Variants in CNNM2 observed in about 807,000 individuals in gnomAD.
CNNM2 encodes metal transporter CNNM2.
Under a neutral mutation model 66.9 loss-of-function variants are expected in CNNM2, and 12 were observed. The ratio of observed to expected loss-of-function variants is 0.18; its 90% CI spans 0.11 to 0.29. CNNM2 has a LOEUF of 0.29. Among genes scored for constraint, CNNM2 ranks in the 10% least tolerant of loss-of-function variants. The pLI is 1.00. For missense variants in CNNM2, 705 were observed against 1,167.7 expected, an observed-to-expected ratio of 0.60 and a Z score of 5.77; for synonymous variants, 557 against 501.8, an observed-to-expected ratio of 1.11 and a Z score of -1.47.
At chr10:102,999,964 G>C (rs182211486) in intron 1 of CNNM2, among the ~76,000 whole-genome samples, 1 of 152,178 alleles carries the variant, frequency 6.6e-6, no homozygotes, top group Non-Finnish European at 1.5e-5. Context: ...AGCTGGGCAT[G>C]GTGGCTCATG....
chr10:102,922,682 C>T (rs954621686), intron 1 of CNNM2, among the ~76,000 whole-genome samples: 1 of 152,046 alleles, frequency 6.6e-6, no homozygotes. Flanking sequence ...GGCTCATGCC[C>T]GTAATCCCAG....
intron 1 of CNNM2, among the ~76,000 whole-genome samples, chr10:102,933,822 A>T (rs922556126): frequency 1.3e-5 from 2 of 152,092 alleles, no homozygotes; most frequent in African/African-American, 4.8e-5. Context: ...GATATACACC[A>T]TCAGGCACTT....
chr10:103,025,686 C>A (rs2064688590), intron 1 of CNNM2, among the ~76,000 whole-genome samples: 1 of 152,188 alleles, frequency 6.6e-6, no homozygotes, highest in South Asian at 2.1e-4. Context: ...TTATCCAAAT[C>A]TTCTCTAAAT....
chr10:102,947,825 G>A (rs530820069), intron 1 of CNNM2, among the ~76,000 whole-genome samples: 115 of 152,192 alleles, frequency 7.6e-4, no homozygotes, highest in African/African-American at 2.6e-3. Flanking sequence ...GCCAAGGCGG[G>A]CAAATCACGA....
In CNNM2 at chr10:102,919,617, C is replaced by T; in HGVS notation, c.1137C>T (p.Thr379=). 1 of 1,613,946 alleles carries T rather than the reference C, an allele frequency of 6.2e-7. No individual in the cohort carries two copies. Among genetic ancestry groups the T allele is most frequent in the Non-Finnish European group, 8.5e-7 (1 of 1,180,044 alleles). ...LAVGANTIFL[T]KFFMMMTFPA... ...TGGGGGCCAACACCATCTTCCTCAC[C>T]AAGTTTTTCATGATGATGACCTTCC... Residue 379 remains threonine, a synonymous_variant, in exon 1 of 8, where the codon ACC becomes ACT. Coordinates refer to ENST00000369878, the MANE Select transcript of CNNM2 (RefSeq NM_017649.5).
intron 1 of CNNM2, among the ~76,000 whole-genome samples, chr10:103,001,813 A>G (rs191248762): frequency 6.6e-6 from 1 of 151,866 alleles, no homozygotes; most frequent in Admixed American, 6.6e-5. Context: ...AGACCAGCCT[A>G]GCCAAAATGG....
chr10:103,070,291 G>T (rs1024704749), intron 5 of CNNM2, among the ~76,000 whole-genome samples: 2 of 152,232 alleles, frequency 1.3e-5, no homozygotes, highest in Non-Finnish European at 2.9e-5. Flanking sequence ...TATAGCTTCA[G>T]TTCCATCACA....
At chr10:103,015,576 G>A (rs935183133) in intron 1 of CNNM2, among the ~76,000 whole-genome samples, 3 of 151,962 alleles carry the variant, frequency 2.0e-5, no homozygotes, top group Non-Finnish European at 2.9e-5. Context: ...GTGCCCGGCC[G>A]GCTGCAGTGG....
At chr10:102,937,554 G>T (rs913838329) in intron 1 of CNNM2, among the ~76,000 whole-genome samples, 6 of 152,134 alleles carry the variant, frequency 3.9e-5, no homozygotes, top group Non-Finnish European at 7.4e-5. Flanking sequence ...GAGACAAAAA[G>T]ATAAAAGGAG....
At chr10:103,028,503 ACT>A (rs2064751483) in intron 1 of CNNM2, among the ~76,000 whole-genome samples, 1 of 152,172 alleles carries the variant, frequency 6.6e-6, no homozygotes, top group Non-Finnish European at 1.5e-5. Context: ...CTGAGAACAA[ACT>A]CTATTGTAAC....
intron 4 of CNNM2, 108 bp from the exon 5 acceptor site, chr10:103,068,521 T>G: frequency 1.1e-6 from 1 of 885,802 alleles, no homozygotes; most frequent in Admixed American, 2.0e-5. Context: ...CTCGATAGTG[T>G]TGGGAAAAGA....
chr10:103,004,121 G>A (rs1454189039), intron 1 of CNNM2, among the ~76,000 whole-genome samples: 1 of 86,652 alleles, frequency 1.2e-5, no homozygotes, highest in East Asian at 3.6e-4. Flanking sequence ...TCCTACCTCA[G>A]CCTCCCAAGT....
At chr10:102,928,837 AT>A (rs1845968632) in intron 1 of CNNM2, among the ~76,000 whole-genome samples, 1 of 152,210 alleles carries the variant, frequency 6.6e-6, no homozygotes, top group Non-Finnish European at 1.5e-5. Context: ...AAGTGTCAAC[AT>A]GAAATTTTGA....
chr10:102,952,289 G>A (rs1388554295), intron 1 of CNNM2, among the ~76,000 whole-genome samples: 4 of 152,026 alleles, frequency 2.6e-5, no homozygotes, highest in Admixed American at 6.5e-5. Flanking sequence ...TGGGGGCCGG[G>A]CGCAGTGGCT....
At position 103,049,743 on chromosome 10, in the gene CNNM2, A is replaced by G. The variant is rs377640967; in HGVS notation, c.1658A>G (p.Asn553Ser). The G allele has an allele frequency of 1.2e-5, 19 of 1,613,874 alleles. No homozygotes were observed. Among genetic ancestry groups the G allele is most frequent in the African/African-American group, 5.3e-5 (4 of 74,928 alleles). The change falls in exon 2 of 8, where the codon AAT (asparagine) becomes AGT (serine). Residue 553 changes from asparagine to serine, a missense_variant. Asn to Ser is a conservative substitution (Grantham distance 46). Around this residue, in one of 9 missense-constraint regions of CNNM2, gnomAD observed 171 missense variants for 304.8 expected, o/e 0.56. Coordinates refer to ENST00000369878, the MANE Select transcript of CNNM2 (RefSeq NM_017649.5). ...CTGGCTATCGTGCAGCGGGTAAACA[A>G]TGAGGGAGAAGGGGATCCATTTTAT... ...SHLAIVQRVN[N>S]EGEGDPFYEV...
Position 102,918,424 on chromosome 10 carries a change from A to G in CNNM2, c.-57A>G. 6.4e-7 allele frequency: 1 copy of G among 1,564,948 alleles called. No individual in the cohort carries two copies. The highest frequency in any genetic ancestry group is 1.2e-5 in the South Asian group (1 of 86,016). ...GTTGCAGTCTCGCCCAGGGGCCGGT[A>G]CCTGCGCTCGCGCCGCCGGGTTGAA... On this transcript the variant is annotated 5_prime_UTR_variant, in exon 1 of 8. Coordinates refer to ENST00000369878, the MANE Select transcript of CNNM2 (RefSeq NM_017649.5). The surrounding 1 kb of genome is among the most constrained non-coding windows in gnomAD (Gnocchi z 4.1).
intron 1 of CNNM2, among the ~76,000 whole-genome samples, chr10:102,983,709 G>T (rs959339726): frequency 1.3e-5 from 2 of 151,826 alleles, no homozygotes; most frequent in African/African-American, 4.8e-5. Context: ...CCAAAGTGCT[G>T]GGATTACAGG....
At position 103,084,362 on chromosome 10, in the gene CNNM2, G is replaced by T. The variant is rs1345752317; in HGVS notation, c.*7182G>T. The T allele has an allele frequency of 2.6e-5, 4 of 152,126 alleles. No individual in the cohort carries two copies. Among genetic ancestry groups the T allele is most frequent in the African/African-American group, 9.7e-5 (4 of 41,414 alleles). 9.4% of individuals were successfully genotyped at this position (152,126 alleles called of 1,614,324 possible). On this transcript the variant is annotated 3_prime_UTR_variant, in exon 8 of 8. Coordinates refer to ENST00000369878, the MANE Select transcript of CNNM2 (RefSeq NM_017649.5). ...TCAGACACTGCCTGACCTAACTACC[G>T]CTCCCATCTCCCCAGGTATCGCCCA... is the stretch of plus-strand genomic sequence containing the variant.
chr10:103,046,572 CAG>C (rs1175644767), intron 1 of CNNM2, among the ~76,000 whole-genome samples: 1 of 152,186 alleles, frequency 6.6e-6, no homozygotes, highest in Non-Finnish European at 1.5e-5. Context: ...TGAATTAAAA[CAG>C]AGACCTTCAA....
Sources: allele counts gnomAD v4.1 joint callset (sites outside exome capture counted in the v4.1 genomes callset), GRCh38; gene constraint gnomAD v4.1.1; regional missense constraint gnomAD v4.1.1; non-coding constraint Gnocchi (gnomAD v3.1); transcripts MANE v1.5; gene names NCBI Gene and HGNC (gene_info 2026-07-23, HGNC 2026-07-21).